The following RBFOX1 variants were observed in gnomAD, a reference collection of about 807,000 sequenced individuals.
RBFOX1 encodes the protein RNA binding fox-1 homolog 1.
Under a neutral mutation model 57.7 loss-of-function variants are expected in RBFOX1, and 8 were observed. The ratio of observed to expected loss-of-function variants is 0.14; its 90% confidence interval spans 0.08 to 0.25. RBFOX1 has a LOEUF of 0.25. Among genes scored for constraint, RBFOX1 ranks in the 10% least tolerant of loss-of-function variants. The pLI is 1.00. For synonymous variants in RBFOX1, 326 were observed against 222.4 expected (o/e 1.47, Z -4.15); for missense variants, 611 against 548.5 (o/e 1.11, Z -1.14).
At chr16:6,500,784 C>A (rs1463544156) in intron 2 of RBFOX1, among the ~76,000 whole-genome samples, 1 of 151,900 alleles carries the variant, frequency 6.6e-6, no homozygotes, top group African/African-American at 2.4e-5. Flanking sequence ...TATAAACCAA[C>A]TGTGATATGT....
intron 2 of RBFOX1, among the ~76,000 whole-genome samples, chr16:6,545,897 G>T (rs17823421): frequency 1.3e-5 from 2 of 152,032 alleles, no homozygotes; most frequent in African/African-American, 2.4e-5. Flanking sequence ...CAGGCCTAAA[G>T]CTCTTTCAAC....
chr16:6,562,855 TCTTTCTTTCTTTCTTTC>T (rs1567693403), intron 2 of RBFOX1, among the ~76,000 whole-genome samples: 28 of 59,390 alleles, frequency 4.7e-4, no homozygotes, highest in African/African-American at 2.2e-3. Context: ...TTTCTTTCTT[TCTTTCTTTCTTTCTTTC>T]TTTCTTTCTT....
At chr16:6,009,544 T>C (rs2094947633) in intron 4 of RBFOX1, among the ~76,000 whole-genome samples, 3 of 152,136 alleles carry the variant, frequency 2.0e-5, no homozygotes. Flanking sequence ...TTTTAATATA[T>C]TTATGGTGCA....
intron 3 of RBFOX1, among the ~76,000 whole-genome samples, chr16:7,045,439 C>A (rs1247925220): frequency 6.6e-6 from 1 of 152,104 alleles, no homozygotes; most frequent in Non-Finnish European, 1.5e-5. Flanking sequence ...TATTTGGCTT[C>A]ATTTGAAGGA....
At chr16:5,835,718 T>C (rs1038180915) in intron 3 of RBFOX1, among the ~76,000 whole-genome samples, 2 of 152,236 alleles carry the variant, frequency 1.3e-5, no homozygotes, top group Non-Finnish European at 2.9e-5. Flanking sequence ...AAAATGTGTT[T>C]CCTGTCTCAT....
At chr16:7,687,564 T>A (rs990492128) in intron 14 of RBFOX1, among the ~76,000 whole-genome samples, 7 of 152,048 alleles carry the variant, frequency 4.6e-5, no homozygotes, top group Non-Finnish European at 1.0e-4. Context: ...ATATTATGTT[T>A]AATATTCAGA....
chr16:6,454,412 C>A (rs1597466387), intron 2 of RBFOX1, among the ~76,000 whole-genome samples: 1 of 151,950 alleles, frequency 6.6e-6, no homozygotes, highest in East Asian at 1.9e-4. Context: ...CAAAAATTAG[C>A]TGGGTGTGGT....
intron 4 of RBFOX1, among the ~76,000 whole-genome samples, chr16:7,054,810 C>G (rs1209168188): frequency 6.6e-6 from 1 of 152,122 alleles, no homozygotes; most frequent in Non-Finnish European, 1.5e-5. Context: ...GTTATCATGT[C>G]GAGGGTCCTT....
At chr16:7,590,863 G>T (rs1184060431) in intron 7 of RBFOX1, among the ~76,000 whole-genome samples, 1 of 102,924 alleles carries the variant, frequency 9.7e-6, no homozygotes, top group Non-Finnish European at 1.9e-5. Context: ...CTGTCTCTAA[G>T]AAAAAAAAAA....
At chr16:6,266,111 C>G (rs971542867) in intron 1 of RBFOX1, among the ~76,000 whole-genome samples, 9 of 152,138 alleles carry the variant, frequency 5.9e-5, no homozygotes, top group Admixed American at 1.3e-4. Flanking sequence ...TGGGCGGAAG[C>G]TTTAAGAGCC....
chr16:7,219,440 A>G (rs2092547199), intron 4 of RBFOX1, among the ~76,000 whole-genome samples: 1 of 152,224 alleles, frequency 6.6e-6, no homozygotes, highest in South Asian at 2.1e-4. Context: ...GGGGGGAAAG[A>G]GAACCGTCGG....
chr16:5,839,891 G>T (rs111688810), intron 3 of RBFOX1, among the ~76,000 whole-genome samples: 3 of 152,162 alleles, frequency 2.0e-5, no homozygotes, highest in Non-Finnish European at 4.4e-5. Context: ...AATCAGTCTC[G>T]TTGGTAACCC....
chr16:5,649,860 G>T (rs1017656622), intron 3 of RBFOX1, among the ~76,000 whole-genome samples: 1 of 152,204 alleles, frequency 6.6e-6, no homozygotes, highest in African/African-American at 2.4e-5. Context: ...CTTGAGCTGA[G>T]CTTGTTAGTC....
intron 1 of RBFOX1, among the ~76,000 whole-genome samples, chr16:6,212,154 G>A (rs998097158): frequency 7.2e-5 from 11 of 151,902 alleles, no homozygotes; most frequent in South Asian, 2.1e-4. Context: ...CACTGTCCTC[G>A]GCCAATATGC....
intron 3 of RBFOX1, among the ~76,000 whole-genome samples, chr16:5,860,400 A>G (rs1400808914): frequency 6.6e-6 from 1 of 152,098 alleles, no homozygotes; most frequent in East Asian, 1.9e-4. Context: ...TGACAATAGG[A>G]CTATAAGGTT....
At chr16:7,615,356 A>AATG in intron 10 of RBFOX1, among the ~76,000 whole-genome samples, 1 of 152,144 alleles carries the variant, frequency 6.6e-6, no homozygotes, top group Middle Eastern at 3.4e-3. Flanking sequence ...TAATAATAAT[A>AATG]ATGAATGAAA....
At chr16:6,881,463 C>G (rs548914494) in intron 3 of RBFOX1, among the ~76,000 whole-genome samples, 1 of 152,112 alleles carries the variant, frequency 6.6e-6, no homozygotes, top group African/African-American at 2.4e-5. Flanking sequence ...TGCTGCAGGC[C>G]TATCCGTGGC....
intron 1 of RBFOX1, among the ~76,000 whole-genome samples, chr16:6,202,780 T>A (rs1018966469): frequency 2.0e-5 from 3 of 152,102 alleles, no homozygotes; most frequent in African/African-American, 7.2e-5. Context: ...TTTTTTAGTA[T>A]TGATTTTTCT....
chr16:5,579,920 C>T (rs555204289), intron 2 of RBFOX1, among the ~76,000 whole-genome samples: 26 of 152,080 alleles, frequency 1.7e-4, no homozygotes, highest in African/African-American at 5.3e-4. Context: ...CCACCACGCC[C>T]GGCTAATTTT....
Sources: allele counts gnomAD v4.1 joint callset (sites outside exome capture counted in the v4.1 genomes callset), GRCh38; gene constraint gnomAD v4.1.1; transcripts MANE v1.5; gene names NCBI Gene and HGNC (gene_info 2026-07-23, HGNC 2026-07-21).